The following EPB41 variants were observed in gnomAD, a reference collection of about 807,000 sequenced individuals.
EPB41 encodes protein 4.1.
In EPB41, 65 loss-of-function variants were observed where a neutral mutation model predicts 108.0. That is an observed-to-expected ratio of 0.60 (90% CI 0.49 to 0.74). EPB41 has a LOEUF of 0.74. Ranked by LOEUF, EPB41 falls within the 30% of genes least tolerant of loss-of-function variation. The probability of loss-of-function intolerance (pLI) is 0.00; values close to 1 mark genes in which losing one functional copy is unlikely to be tolerated. For missense variants in EPB41, 875 were observed against 1,037.0 expected (o/e 0.84, Z 2.15); for synonymous variants, 336 against 358.9 (o/e 0.94, Z 0.72).
chr1:28,970,887 C>T (rs1023853220), intron 1 of EPB41, among the ~76,000 whole-genome samples: 4 of 152,304 alleles, frequency 2.6e-5, no homozygotes, highest in East Asian at 1.9e-4. Context: ...CTTGCTCTGT[C>T]GCCCAGGCTG....
chr1:29,117,163 T>C lies in EPB41; in HGVS notation c.*351T>C, dbSNP rs502393. 0.67 allele frequency: 101,336 copies of C among 152,134 alleles called. 35,715 individuals are homozygous for C. The highest frequency in any genetic ancestry group is 0.79 in the Non-Finnish European group (53,538 of 68,022). 9.4% of individuals were successfully genotyped at this position (152,134 alleles called of 1,614,324 possible). On this transcript the variant is annotated 3_prime_UTR_variant, in exon 21 of 21. Transcript: ENST00000343067. ...CCCCAACAGACACTGACAGGGTCCATGGAATTCTTCGGGAAATCCTCCAAG... is the reference window on the plus strand; with the variant it reads ...CCCCAACAGACACTGACAGGGTCCACGGAATTCTTCGGGAAATCCTCCAAG...
At chr1:29,109,150 A>G (rs1668305695) in intron 17 of EPB41, among the ~76,000 whole-genome samples, 186 bp from the exon 18 acceptor site, 1 of 151,744 alleles carries the variant, frequency 6.6e-6, no homozygotes, top group Non-Finnish European at 1.5e-5. Context: ...GTGAGCTGAG[A>G]TCACGCCACT....
chr1:29,016,929 A>T (rs1215445321), intron 6 of EPB41, among the ~76,000 whole-genome samples: 2 of 152,208 alleles, frequency 1.3e-5, no homozygotes, highest in Non-Finnish European at 2.9e-5. Flanking sequence ...ATATCTCTCA[A>T]ATAAGAGAAT....
In EPB41 at chr1:29,060,407, C is replaced by T. The variant is rs753430846; in HGVS notation, c.1945-15C>T. On this transcript the variant is annotated splice_polypyrimidine_tract_variant and intron_variant, in intron 14 of 20. Transcript: ENST00000343067. The stretch of plus-strand genomic sequence containing the variant: ...TTTTTATGCTTTTCTGTTTTCCCCC[C>T]TTTCATTTTCACAGAAAAAGAGAGA... 1.9e-6 allele frequency: 3 copies of T among 1,610,844 alleles called. No homozygotes were observed. Among genetic ancestry groups the T allele is most frequent in the African/African-American group, 1.3e-5 (1 of 74,860 alleles).
intron 1 of EPB41, among the ~76,000 whole-genome samples, chr1:28,923,467 C>A (rs2093260951): frequency 6.6e-6 from 1 of 152,086 alleles, no homozygotes; most frequent in Non-Finnish European, 1.5e-5. Flanking sequence ...TTTATTATTT[C>A]TTTAATTGTA....
At chr1:29,017,439 G>A (rs1037802891) in intron 6 of EPB41, among the ~76,000 whole-genome samples, 12 of 152,184 alleles carry the variant, frequency 7.9e-5, no homozygotes, top group Admixed American at 3.3e-4. Flanking sequence ...AGGTGTGAAC[G>A]TTACACTGAT....
At chr1:29,087,813 A>G (rs2151359739) in intron 16 of EPB41, among the ~76,000 whole-genome samples, 1 of 152,306 alleles carries the variant, frequency 6.6e-6, no homozygotes, top group South Asian at 2.1e-4. Context: ...AGGAAAAAAA[A>G]TCTTGTTTTC....
chr1:29,033,017 C>A, intron 8 of EPB41, 76 bp from the exon 9 acceptor site: 1 of 1,403,052 alleles, frequency 7.1e-7, no homozygotes, highest in Non-Finnish European at 1.0e-6. Flanking sequence ...TTGTTATCTT[C>A]AGATTATCTA....
intron 5 of EPB41, among the ~76,000 whole-genome samples, chr1:29,013,841 T>G (rs2096541936): frequency 2.1e-5 from 3 of 146,310 alleles, no homozygotes; most frequent in Admixed American, 6.7e-5. Context: ...TAAGTTTTTT[T>G]TTTTTTTTTT....
At chr1:28,989,233 G>A (rs2095948189) in intron 2 of EPB41, 1 of 175,890 alleles carries the variant, frequency 5.7e-6, no homozygotes, top group Non-Finnish European at 1.1e-5. Flanking sequence ...ATTAGTCTGG[G>A]GCCTTAATTG....
At chr1:28,943,260 A>C (rs1285529215) in intron 1 of EPB41, among the ~76,000 whole-genome samples, 2 of 152,242 alleles carry the variant, frequency 1.3e-5, no homozygotes, top group Non-Finnish European at 2.9e-5. Context: ...AAATTTGTGA[A>C]AGATTCGAAT....
intron 1 of EPB41, among the ~76,000 whole-genome samples, chr1:28,889,006 A>G (rs1399410896): frequency 6.6e-6 from 1 of 152,158 alleles, no homozygotes; most frequent in Non-Finnish European, 1.5e-5. Flanking sequence ...CAGAAGCTGA[A>G]GGGAGCAGAG....
chr1:28,909,595 A>G (rs2092109468), upstream of EPB41, among the ~76,000 whole-genome samples: 1 of 152,174 alleles, frequency 6.6e-6, no homozygotes, highest in Non-Finnish European at 1.5e-5. Context: ...CAGGAGTTCA[A>G]GACTAGTCTC....
At chr1:29,070,695 A>G in intron 16 of EPB41, 1 of 1,230,786 alleles carries the variant, frequency 8.1e-7, no homozygotes, top group Non-Finnish European at 1.0e-6. Context: ...TTGCTGTATG[A>G]TGCCCTCTGA....
chr1:28,969,309 T>C (rs1354824406), intron 1 of EPB41, among the ~76,000 whole-genome samples: 1 of 151,924 alleles, frequency 6.6e-6, no homozygotes, highest in African/African-American at 2.4e-5. Context: ...AGTCTCGAAC[T>C]CCTGACCTCA....
At chr1:28,922,257 C>T (rs1256517514) in intron 1 of EPB41, among the ~76,000 whole-genome samples, 4 of 151,560 alleles carry the variant, frequency 2.6e-5, no homozygotes, top group African/African-American at 7.3e-5. Context: ...CATGAACCAC[C>T]GCACCTGGCC....
At chr1:28,910,315 T>C (rs1271631438), upstream of EPB41, among the ~76,000 whole-genome samples, 1 of 152,350 alleles carries the variant, frequency 6.6e-6, no homozygotes, top group Admixed American at 6.5e-5. Flanking sequence ...CATTTGTGTT[T>C]ACAAGTCTAA....
Position 29,115,451 on chromosome 1 carries a change from C to T in EPB41, c.2497-248C>T, listed in dbSNP as rs2151763533. Among the ~76,000 whole-genome samples, 2 of 152,074 alleles carry T rather than the reference C, an allele frequency of 1.3e-5. No homozygotes were observed. Among genetic ancestry groups the T allele is most frequent in the South Asian group, 4.2e-4 (2 of 4,802 alleles). ...TCATATAACAGATACAGCTATGACC[C>T]CCGAAGTCCCTCTCCAGTTCCTAGA... On this transcript the variant is annotated intron_variant, in intron 19 of 20. Coordinates refer to ENST00000343067, the MANE Select transcript of EPB41 (RefSeq NM_001376013.1). This position sits in a 1 kb window ranked among gnomAD's most constrained non-coding sequence, Gnocchi z 4.4.
chr1:28,887,165 C>T, upstream of EPB41: 1 of 1,150,186 alleles, frequency 8.7e-7, no homozygotes, highest in Non-Finnish European at 1.2e-6. The surrounding 1 kb of genome is among the most constrained non-coding windows in gnomAD (Gnocchi z 4.9). Context: ...GAGAGCGGCG[C>T]GGAGCCAGAA....
Sources: gnomAD v4.1 joint callset for allele counts (sites outside exome capture counted in the v4.1 genomes callset) on GRCh38, gnomAD v4.1.1 for gene constraint, Gnocchi (gnomAD v3.1) non-coding constraint, MANE v1.5 for transcripts, NCBI Gene and HGNC (gene_info 2026-07-23, HGNC 2026-07-21) for gene names.